COMMD10: variants seen among roughly 807,000 people sequenced by gnomAD.
The protein encoded by COMMD10 is COMM domain containing 10.
COMMD10 carries 33 observed loss-of-function variants against 28.9 expected under a neutral mutation model. The observed-to-expected ratio is 1.14, with a 90% confidence interval of 0.87 to 1.53. The LOEUF is 1.53. Among genes scored for constraint, COMMD10 ranks in the 40% most tolerant of loss-of-function variants. The probability of loss-of-function intolerance (pLI) is 0.00; values close to 1 mark genes in which losing one functional copy is unlikely to be tolerated. For synonymous variants in COMMD10, 110 were observed against 81.7 expected, an observed-to-expected ratio of 1.35 and a Z score of -1.87; for missense variants, 310 against 233.4, an observed-to-expected ratio of 1.33 and a Z score of -2.14.
intron 5 of COMMD10, among the ~76,000 whole-genome samples, chr5:116,161,491 T>TA (rs1375504837): frequency 6.6e-6 from 1 of 152,158 alleles, no homozygotes; most frequent in Non-Finnish European, 1.5e-5. Flanking sequence ...CAAATCAGCA[T>TA]ATGACTTTTG....
At chr5:116,185,082 C>G (rs1378264169) in intron 5 of COMMD10, among the ~76,000 whole-genome samples, 1 of 152,050 alleles carries the variant, frequency 6.6e-6, no homozygotes, top group Non-Finnish European at 1.5e-5. Flanking sequence ...ATGAACAAGT[C>G]CTACTGCTAA....
At chr5:116,287,732 A>G (rs958480694) in intron 5 of COMMD10, among the ~76,000 whole-genome samples, 11 of 150,798 alleles carry the variant, frequency 7.3e-5, no homozygotes, top group Non-Finnish European at 3.0e-5. Context: ...TGTGTATTCT[A>G]CAGATATTTT....
chr5:116,120,474 C>A (rs1751393354), intron 4 of COMMD10, among the ~76,000 whole-genome samples: 1 of 151,898 alleles, frequency 6.6e-6, no homozygotes, highest in Non-Finnish European at 1.5e-5. Context: ...TAAGCAAATA[C>A]CACCTGTACC....
intron 5 of COMMD10, among the ~76,000 whole-genome samples, chr5:116,176,041 T>C (rs1473265890): frequency 7.4e-6 from 1 of 135,638 alleles, no homozygotes; most frequent in African/African-American, 3.5e-5. Context: ...ATGTATATTT[T>C]ACCACAATTT....
At chr5:116,100,539 A>G (rs1170851227) in intron 4 of COMMD10, among the ~76,000 whole-genome samples, 1 of 137,928 alleles carries the variant, frequency 7.3e-6, no homozygotes, top group African/African-American at 2.7e-5. Flanking sequence ...TTTTGCATGT[A>G]GATTTTCAGT....
chr5:116,103,331 G>A (rs534642413), intron 4 of COMMD10, among the ~76,000 whole-genome samples: 2 of 152,298 alleles, frequency 1.3e-5, no homozygotes, highest in Non-Finnish European at 2.9e-5. Context: ...TTCAGCATCT[G>A]TTGTTTCCTG....
intron 5 of COMMD10, among the ~76,000 whole-genome samples, chr5:116,141,536 C>G (rs1357670300): frequency 1.3e-5 from 2 of 151,822 alleles, no homozygotes; most frequent in African/African-American, 2.4e-5. Flanking sequence ...TCTTCCAATT[C>G]ATGAACGTGG....
intron 5 of COMMD10, among the ~76,000 whole-genome samples, chr5:116,249,515 T>C (rs542616234): frequency 1.3e-4 from 20 of 152,072 alleles, no homozygotes; most frequent in African/African-American, 4.3e-4. Context: ...ATTAATAAAG[T>C]ATTGAGAATT....
chr5:116,245,671 C>T (rs1749930195), intron 5 of COMMD10, among the ~76,000 whole-genome samples: 1 of 152,140 alleles, frequency 6.6e-6, no homozygotes, highest in South Asian at 2.1e-4. Flanking sequence ...CCCTGGGCTG[C>T]AAGGTCGGTT....
intron 5 of COMMD10, among the ~76,000 whole-genome samples, chr5:116,209,356 A>G (rs1191558538): frequency 1.3e-5 from 2 of 152,174 alleles, no homozygotes; most frequent in Non-Finnish European, 2.9e-5. Context: ...CTGACCACTA[A>G]CAACATAGTT....
chr5:116,092,817 C>CA lies in COMMD10; in HGVS notation c.399+118dup. ...GAGAGGTAGAGTCAGGCAAAAGAAACACAGATGCTCCTCAACTTACAATGG... is the reference window on the plus strand; with the variant it reads ...GAGAGGTAGAGTCAGGCAAAAGAAACAACAGATGCTCCTCAACTTACAATGG... On this transcript the variant is annotated intron_variant, in intron 4 of 6. Transcript: ENST00000274458. The CA allele has an allele frequency of 4.8e-6, 3 of 619,522 alleles. No individual in the cohort carries two copies. The South Asian group carries it at 1.1e-4, about 23-fold the overall frequency. 38.4% of individuals were successfully genotyped at this position (619,522 alleles called of 1,614,324 possible).
At chr5:116,258,540 T>C (rs1044541595) in intron 5 of COMMD10, among the ~76,000 whole-genome samples, 1 of 151,678 alleles carries the variant, frequency 6.6e-6, no homozygotes, top group Non-Finnish European at 1.5e-5. Context: ...TGACTGAAAA[T>C]GTATATTTAT....
rs1015806956 is a variant in COMMD10, at chr5:116,118,176, A to C, written c.400-15892A>C. Among the ~76,000 whole-genome samples, 4 of 152,170 alleles carry C rather than the reference A, an allele frequency of 2.6e-5. No individual in the cohort carries two copies. The East Asian group carries it at 7.7e-4, about 29-fold the overall frequency. On this transcript the variant is annotated intron_variant, in intron 4 of 6. Transcript: ENST00000274458. ...TTCCTTTTTCCAGCTGATTGTTTAA[A>C]TGTCACATTTGTCAGTGAATCTTTC...
intron 5 of COMMD10, among the ~76,000 whole-genome samples, chr5:116,221,203 A>C (rs77849630): frequency 0.073 from 11,056 of 151,810 alleles, 471 homozygotes; most frequent in Admixed American, 0.13. Flanking sequence ...GTCTCAGCAA[A>C]TGCACTCGGT....
At chr5:116,290,155 T>C (rs1751326705) in intron 5 of COMMD10, among the ~76,000 whole-genome samples, 1 of 151,834 alleles carries the variant, frequency 6.6e-6, no homozygotes, top group Non-Finnish European at 1.5e-5. Flanking sequence ...GTCTTGCTTT[T>C]CTCAGAACTT....
At chr5:116,223,221 G>C (rs1279851459) in intron 5 of COMMD10, among the ~76,000 whole-genome samples, 1 of 151,448 alleles carries the variant, frequency 6.6e-6, no homozygotes, top group African/African-American at 2.4e-5. Context: ...AAAGGAGATA[G>C]GATAAAATGT....
chr5:116,097,462 T>C (rs1412845018), intron 4 of COMMD10, among the ~76,000 whole-genome samples: 1 of 152,184 alleles, frequency 6.6e-6, no homozygotes, highest in Non-Finnish European at 1.5e-5. Context: ...GCTAAGTAAG[T>C]GGCTGAGTTG....
chr5:116,246,890 G>T (rs72806923), intron 5 of COMMD10, among the ~76,000 whole-genome samples: 1 of 151,964 alleles, frequency 6.6e-6, no homozygotes, highest in Admixed American at 6.6e-5. Flanking sequence ...GACAACCTAG[G>T]CAATACCATG....
chr5:116,264,768 T>C (rs1750541543), intron 5 of COMMD10, among the ~76,000 whole-genome samples: 1 of 151,860 alleles, frequency 6.6e-6, no homozygotes, highest in Non-Finnish European at 1.5e-5. Flanking sequence ...CAAAATGTCT[T>C]GAGCTCCTTG....
Sources: allele counts gnomAD v4.1 joint callset (sites outside exome capture counted in the v4.1 genomes callset), GRCh38; gene constraint gnomAD v4.1.1; transcripts MANE v1.5; gene names NCBI Gene and HGNC (gene_info 2026-07-23, HGNC 2026-07-21).